RYR1: variants seen among roughly 807,000 people sequenced by gnomAD.
RYR1 encodes central core disease of muscle.
A neutral mutation model predicts 583.5 loss-of-function variants in RYR1; 342 were observed. That is an observed-to-expected ratio of 0.59 (90% CI 0.54 to 0.64). The LOEUF (loss-of-function observed/expected upper bound fraction) is 0.64. Ranked by LOEUF, RYR1 falls within the 30% of genes least tolerant of loss-of-function variation. The probability of loss-of-function intolerance (pLI) is 0.00; values close to 1 mark genes in which losing one functional copy is unlikely to be tolerated. For synonymous variants in RYR1, 2,791 were observed against 2,822.5 expected, an observed-to-expected ratio of 0.99 and a Z score of 0.35; for missense variants, 6,032 against 6,917.2, an observed-to-expected ratio of 0.87 and a Z score of 4.54.
chr19:38,564,816 GA>G, intron 90 of RYR1, 142 bp from the exon 91 acceptor site: 1 of 1,428,154 alleles, frequency 7.0e-7, no homozygotes, highest in Non-Finnish European at 9.4e-7. Flanking sequence ...CGCCCAGCCT[GA>G]CCCTGTCTCA....
rs1462295994 is a variant in RYR1 at position 38,556,107 on chromosome 19, G to T, written c.12283-5006G>T. 1.3e-5 allele frequency among the ~76,000 whole-genome samples: 2 copies of T among 151,976 alleles called. 1 individual carries two copies. The highest frequency in any genetic ancestry group is 1.3e-4 in the Admixed American group (2 of 15,260). On this transcript the variant is annotated intron_variant, in intron 89 of 105. Transcript: ENST00000359596. ...TCAAACTCCTGGCCTAAAGTGATCTGCCCTCCTCACCCTCCGAAAGTGCTG... is the reference window on the plus strand; with the variant it reads ...TCAAACTCCTGGCCTAAAGTGATCTTCCCTCCTCACCCTCCGAAAGTGCTG...
At chr19:38,554,854 TTTTA>T (rs1484388471) in intron 89 of RYR1, among the ~76,000 whole-genome samples, 7 of 152,150 alleles carry the variant, frequency 4.6e-5, no homozygotes, top group Admixed American at 3.9e-4. Flanking sequence ...TATCTGCAAA[TTTTA>T]TTTGTCTCTT....
chr19:38,438,568 A>G (rs938905409), intron 1 of RYR1, among the ~76,000 whole-genome samples: 25 of 147,212 alleles, frequency 1.7e-4, no homozygotes, highest in Middle Eastern at 3.7e-3. Flanking sequence ...TTTAATTTTT[A>G]ACTTTTGTAG....
chr19:38,567,248 C>T lies in RYR1; in HGVS notation c.13514+261C>T, dbSNP rs373039968. 9.0e-4 allele frequency among the ~76,000 whole-genome samples: 137 copies of T among 152,156 alleles called. 1 individual carries two copies. The highest frequency in any genetic ancestry group is 3.0e-3 in the African/African-American group (125 of 41,504). The stretch of plus-strand genomic sequence containing the variant: ...GGCTGAGGTGGGAGGATCACTTGAC[C>T]CCTGGAGGTGGAGGCTGCAGTGAGC... On this transcript the variant is annotated intron_variant, in intron 92 of 105. Transcript: ENST00000359596.
intron 33 of RYR1, among the ~76,000 whole-genome samples, chr19:38,485,034 G>A (rs1387355810): frequency 6.6e-6 from 1 of 151,754 alleles, no homozygotes; most frequent in Non-Finnish European, 1.5e-5. Flanking sequence ...TTAGGTGCTG[G>A]GAATATAACA....
chr19:38,458,596 T>A (rs2145410954), intron 18 of RYR1, among the ~76,000 whole-genome samples: 1 of 150,714 alleles, frequency 6.6e-6, no homozygotes, highest in South Asian at 2.1e-4. Flanking sequence ...CAGGAGAATT[T>A]ATTTATTTAT....
At chr19:38,577,827 G>T in intron 97 of RYR1, 91 bp from the exon 98 acceptor site, 2 of 1,558,660 alleles carry the variant, frequency 1.3e-6, no homozygotes, top group Non-Finnish European at 1.8e-6. Context: ...TTCTCACTCA[G>T]AGTTTGGAGT....
intron 101 of RYR1, among the ~76,000 whole-genome samples, chr19:38,581,796 G>C (rs1692192092): frequency 6.6e-6 from 1 of 151,032 alleles, no homozygotes; most frequent in African/African-American, 2.4e-5. Flanking sequence ...ATGGAGGTGG[G>C]GGGGTCTCAC....
Position 38,561,871 on chromosome 19 carries a change from G to A in RYR1, c.12624+417G>A, listed in dbSNP as rs1197183503. 6.6e-6 allele frequency among the ~76,000 whole-genome samples: 1 copy of A among 152,062 alleles called. No homozygotes were observed. Among genetic ancestry groups the A allele is most frequent in the Non-Finnish European group, 1.5e-5 (1 of 67,990 alleles). On this transcript the variant is annotated intron_variant, in intron 90 of 105. Coordinates refer to ENST00000359596, the MANE Select transcript of RYR1 (RefSeq NM_000540.3). This position sits in a 1 kb window ranked among gnomAD's most constrained non-coding sequence, Gnocchi z 4.8. The stretch of plus-strand genomic sequence containing the variant: ...TTGCTCACCTTCCCAGTAGCCCCCG[G>A]CGTGCCGTCTCTTGGTCCTGGCCCG...
In RYR1 at chr19:38,502,737, G is replaced by C; in HGVS notation, c.7835+10G>C. On this transcript the variant is annotated intron_variant, in intron 48 of 105. Transcript: ENST00000359596. Reference sequence around the variant, plus strand: ...TCATGTCGCTCTGCAGGTGGAGCGGGGCAGGCTTCAGGGTGGGGCAGGGGC... The same window carrying C: ...TCATGTCGCTCTGCAGGTGGAGCGGCGCAGGCTTCAGGGTGGGGCAGGGGC... 1.9e-6 allele frequency: 3 copies of C among 1,578,462 alleles called. No individual in the cohort carries two copies. Among genetic ancestry groups the C allele is most frequent in the Non-Finnish European group, 2.6e-6 (3 of 1,168,296 alleles).
At chr19:38,563,103 G>A (rs894620125) in intron 90 of RYR1, among the ~76,000 whole-genome samples, 8 of 152,168 alleles carry the variant, frequency 5.3e-5, no homozygotes, top group Admixed American at 2.0e-4. Flanking sequence ...CTGACCCTGC[G>A]TGCTCCCCAT....
chr19:38,453,441 T>G (rs1600669796), intron 13 of RYR1, among the ~76,000 whole-genome samples: 1 of 146,422 alleles, frequency 6.8e-6, no homozygotes, highest in African/African-American at 2.6e-5. Flanking sequence ...GTCTGTGGGG[T>G]GGGCGGACAG....
At chr19:38,517,045 G>C (rs892513738) in intron 65 of RYR1, among the ~76,000 whole-genome samples, 6 of 152,082 alleles carry the variant, frequency 3.9e-5, no homozygotes, top group African/African-American at 1.4e-4. Context: ...GGTCTCTTTT[G>C]GAGTATGCTG....
intron 31 of RYR1, among the ~76,000 whole-genome samples, chr19:38,481,960 C>T (rs1331537013): frequency 1.3e-5 from 2 of 151,954 alleles, no homozygotes; most frequent in African/African-American, 4.8e-5. Flanking sequence ...TGGTGACGGG[C>T]GCCTGTAATC....
chr19:38,569,414 G>A (rs1270220257), intron 93 of RYR1, among the ~76,000 whole-genome samples: 1 of 151,932 alleles, frequency 6.6e-6, no homozygotes, highest in Non-Finnish European at 1.5e-5. Context: ...AATTAGCTGG[G>A]TGAGGTGACA....
At chr19:38,488,481 T>C (rs1969399710) in intron 34 of RYR1, among the ~76,000 whole-genome samples, 2 of 152,206 alleles carry the variant, frequency 1.3e-5, no homozygotes, top group South Asian at 2.1e-4. Context: ...TTTACTTCCA[T>C]ATGTTAGCAT....
Position 38,499,774 on chromosome 19 carries a change from C to A in RYR1, c.7167C>A (p.Asp2389Glu). The A allele has an allele frequency of 6.2e-7, 1 of 1,603,064 alleles. No homozygotes were observed. Reference sequence around the variant, plus strand: ...AAGAGGCCATCCGCATCTCCGAGGACCCTGCGAGGGATGGCCCAGGCATCC... The same window carrying A: ...AAGAGGCCATCCGCATCTCCGAGGAACCTGCGAGGGATGGCCCAGGCATCC... Reference protein sequence around the residue: ...AIEEAIRISEDPARDGPGIRR... With the variant: ...AIEEAIRISEEPARDGPGIRR... The change falls in exon 44 of 106, where the codon GAC becomes GAA. Residue 2389 changes from aspartate (D) to glutamate (E), a missense_variant. Asp to Glu is a conservative substitution (Grantham distance 45, BLOSUM62 2). This residue lies in a region of RYR1 where 2,627 missense variants were observed against 2,961.3 expected (regional missense o/e 0.89). Coordinates refer to ENST00000359596, the MANE Select transcript of RYR1 (RefSeq NM_000540.3). This position sits in a 1 kb window ranked among gnomAD's most constrained non-coding sequence, Gnocchi z 7.3.
chr19:38,536,284 C>A (rs1001244808), intron 82 of RYR1, among the ~76,000 whole-genome samples: 12 of 143,162 alleles, frequency 8.4e-5, no homozygotes, highest in African/African-American at 3.1e-4. Context: ...CACCTCCGCC[C>A]CCCCCCGCCA....
chr19:38,567,539 C>G (rs1227820975), intron 92 of RYR1, among the ~76,000 whole-genome samples: 1 of 152,102 alleles, frequency 6.6e-6, no homozygotes, highest in Non-Finnish European at 1.5e-5. Context: ...TTCCTCCATC[C>G]CAGCCCCGAC....
Sources: gnomAD v4.1 joint callset for allele counts (sites outside exome capture counted in the v4.1 genomes callset) on GRCh38, gnomAD v4.1.1 for gene constraint, gnomAD v4.1.1 regional missense constraint, Gnocchi (gnomAD v3.1) non-coding constraint, MANE v1.5 for transcripts, NCBI Gene and HGNC (gene_info 2026-07-23, HGNC 2026-07-21) for gene names.